PCDHA2: variants seen among roughly 807,000 people sequenced by gnomAD.
PCDHA2 encodes the protein protocadherin alpha-2.
In PCDHA2, 58 loss-of-function variants were observed where a neutral mutation model predicts 66.0. The ratio of observed to expected loss-of-function variants is 0.88; its 90% CI spans 0.71 to 1.09. The LOEUF (loss-of-function observed/expected upper bound fraction) is 1.09. Among genes scored for constraint, PCDHA2 ranks in the 50% least tolerant of loss-of-function variants. PCDHA2 has a pLI of 0.00. For missense variants in PCDHA2, 1,267 were observed against 1,242.3 expected (o/e 1.02, Z -0.30); for synonymous variants, 634 against 554.0 (o/e 1.14, Z -2.03).
At position 140,993,525 on chromosome 5, in the gene PCDHA2, G is replaced by C. The variant is rs573802745; in HGVS notation, c.2536+10962G>C. On this transcript the variant is annotated intron_variant, in intron 3 of 3. Coordinates refer to ENST00000526136, the MANE Select transcript of PCDHA2 (RefSeq NM_018905.3). Reference sequence around the variant, plus strand: ...ACACACACACGGGGAGAGAGAGACAGAGAGAGAGAGAGATAGAGAAGTGAA... The same window carrying C: ...ACACACACACGGGGAGAGAGAGACACAGAGAGAGAGAGATAGAGAAGTGAA... Among the ~76,000 whole-genome samples the C allele has an allele frequency of 4.8e-5, 7 of 147,308 alleles. No homozygotes were observed. The East Asian group carries it at 1.2e-3, about 24-fold the overall frequency.
chr5:140,821,873 C>A (rs144627570), intron 1 of PCDHA2: 2 of 1,614,092 alleles, frequency 1.2e-6, no homozygotes, highest in Non-Finnish European at 1.7e-6. Flanking sequence ...CTCCACTACT[C>A]GATCCCGGAG....
chr5:140,982,612 C>T, intron 3 of PCDHA2, 49 bp downstream of exon 3: 2 of 1,599,360 alleles, frequency 1.3e-6, no homozygotes, highest in Non-Finnish European at 1.7e-6. Context: ...GGAAAGTGAT[C>T]AGATGACCTA....
intron 1 of PCDHA2, among the ~76,000 whole-genome samples, chr5:140,885,158 T>C (rs1250241606): frequency 6.6e-6 from 1 of 152,198 alleles, no homozygotes; most frequent in African/African-American, 2.4e-5. Flanking sequence ...TGATTGTCTC[T>C]ACTTTTTTGT....
chr5:140,929,713 G>A (rs1328262633), intron 1 of PCDHA2: 3 of 235,294 alleles, frequency 1.3e-5, no homozygotes, highest in Non-Finnish European at 2.6e-5. Flanking sequence ...TAATATGGAA[G>A]GTGAAACATT....
intron 1 of PCDHA2, chr5:140,801,432 C>T (rs1464835851): frequency 6.2e-7 from 1 of 1,613,804 alleles, no homozygotes; most frequent in Non-Finnish European, 8.5e-7. Context: ...GGAGGTAAAT[C>T]TGCAGAATGG....
chr5:140,838,092 G>C (rs1775529438), intron 1 of PCDHA2, among the ~76,000 whole-genome samples: 1 of 140,050 alleles, frequency 7.1e-6, no homozygotes, highest in Admixed American at 7.0e-5. Context: ...GTGTGTGTGT[G>C]TGTGTGTGTG....
At chr5:140,950,006 G>A (rs2094439907) in intron 1 of PCDHA2, among the ~76,000 whole-genome samples, 1 of 151,676 alleles carries the variant, frequency 6.6e-6, no homozygotes, top group African/African-American at 2.4e-5. Context: ...ACTTAATAGT[G>A]TACAACCTTC....
intron 1 of PCDHA2, chr5:140,830,161 G>T: frequency 6.2e-7 from 1 of 1,613,372 alleles, no homozygotes; most frequent in Non-Finnish European, 8.5e-7. Context: ...CGGGCCCAGA[G>T]GCGGCGCTGG....
At chr5:140,823,326 C>A (rs2150124741) in intron 1 of PCDHA2, 3 of 1,612,172 alleles carry the variant, frequency 1.9e-6, no homozygotes, top group Admixed American at 3.3e-5. Context: ...GCAAGGTGTA[C>A]GCGCTGCAGC....
At chr5:140,926,961 G>A in intron 1 of PCDHA2, 1 of 1,604,688 alleles carries the variant, frequency 6.2e-7, no homozygotes, top group Non-Finnish European at 8.5e-7. Context: ...GACAGCTCGA[G>A]TACTCAGTGC....
intron 3 of PCDHA2, among the ~76,000 whole-genome samples, chr5:141,000,278 G>A (rs574420053): frequency 6.6e-6 from 1 of 151,194 alleles, no homozygotes; most frequent in South Asian, 2.1e-4. Flanking sequence ...GGGAGGCAGA[G>A]GTGGGAATAT....
intron 1 of PCDHA2, chr5:140,863,768 G>C (rs2048166638): frequency 4.1e-6 from 1 of 242,260 alleles, no homozygotes; most frequent in African/African-American, 2.2e-5. Flanking sequence ...GGAAGCCGAG[G>C]CGGGCGGATC....
chr5:140,976,449 G>T (rs1554237649), intron 1 of PCDHA2, among the ~76,000 whole-genome samples: 1 of 152,136 alleles, frequency 6.6e-6, no homozygotes, highest in Non-Finnish European at 1.5e-5. Flanking sequence ...TACTAGGGAG[G>T]CTGGGGAAGA....
intron 1 of PCDHA2, chr5:140,870,228 C>T: frequency 6.2e-7 from 1 of 1,614,186 alleles, no homozygotes; most frequent in South Asian, 1.1e-5. Context: ...GCGTGTCTGA[C>T]CGTGACTCAG....
intron 1 of PCDHA2, among the ~76,000 whole-genome samples, chr5:140,936,335 A>G (rs1278918836): frequency 2.0e-5 from 3 of 152,176 alleles, no homozygotes; most frequent in South Asian, 2.1e-4. Context: ...AATTTTCTCT[A>G]TCTGCATATA....
At chr5:140,807,797 G>A in intron 1 of PCDHA2, 6 of 1,614,150 alleles carry the variant, frequency 3.7e-6, no homozygotes, top group Non-Finnish European at 5.1e-6. Context: ...AGACAGAGAA[G>A]AAGCTCCGGA....
intron 1 of PCDHA2, chr5:140,882,822 G>C: frequency 6.2e-7 from 1 of 1,614,198 alleles, no homozygotes; most frequent in South Asian, 1.1e-5. Context: ...GCACAAAACA[G>C]TCTTGAGCAA....
chr5:140,925,671 A>G (rs999903876), intron 1 of PCDHA2, among the ~76,000 whole-genome samples: 5 of 148,178 alleles, frequency 3.4e-5, no homozygotes, highest in African/African-American at 1.2e-4. Flanking sequence ...TAATAATAAT[A>G]ATAATAAAGC....
intron 1 of PCDHA2, among the ~76,000 whole-genome samples, chr5:140,948,792 T>C (rs1215416836): frequency 6.6e-6 from 1 of 151,646 alleles, no homozygotes; most frequent in Non-Finnish European, 1.5e-5. Context: ...TTTGTTGATA[T>C]ATTTTCTATT....
Sources: allele counts gnomAD v4.1 joint callset (sites outside exome capture counted in the v4.1 genomes callset), GRCh38; gene constraint gnomAD v4.1.1; transcripts MANE v1.5; gene names NCBI Gene and HGNC (gene_info 2026-07-23, HGNC 2026-07-21).